Variants in HORMAD2 observed in about 807,000 individuals in gnomAD.
The protein encoded by HORMAD2 is HORMA domain-containing protein 2.
In HORMAD2, 45 loss-of-function variants were observed where a neutral mutation model predicts 38.8. That is an observed-to-expected ratio of 1.16 (90% CI 0.91 to 1.49). HORMAD2 has a LOEUF of 1.49. Ranked by LOEUF, HORMAD2 falls within the 40% of genes most tolerant of loss-of-function variation. HORMAD2 has a pLI of 0.00. For missense variants in HORMAD2, 338 were observed against 367.0 expected (o/e 0.92, Z 0.65); for synonymous variants, 126 against 122.8 (o/e 1.03, Z -0.17).
chr22:30,108,619 T>C (rs1921386779), intron 5 of HORMAD2, among the ~76,000 whole-genome samples: 1 of 152,154 alleles, frequency 6.6e-6, no homozygotes. Flanking sequence ...CTTTATTTCA[T>C]GTTCTCATAG....
chr22:30,196,962 T>G, the HORMAD2 span, among the ~76,000 whole-genome samples: 1 of 152,198 alleles, frequency 6.6e-6, no homozygotes, highest in African/African-American at 2.4e-5. Context: ...CTCCCCGCCT[T>G]ACCTCCTTGG....
chr22:30,101,583 A>G (rs1920945576), intron 3 of HORMAD2, among the ~76,000 whole-genome samples: 1 of 152,010 alleles, frequency 6.6e-6, no homozygotes, highest in Admixed American at 6.6e-5. Context: ...CAGAACTTAA[A>G]GTATTAAAAA....
chr22:30,086,851 A>G (rs2068578837), intron 1 of HORMAD2, among the ~76,000 whole-genome samples: 1 of 152,162 alleles, frequency 6.6e-6, no homozygotes. Context: ...CTGGAATGCA[A>G]TGGCGTGATC....
intron 10 of HORMAD2, among the ~76,000 whole-genome samples, chr22:30,127,189 A>G (rs1256801987): frequency 2.0e-5 from 3 of 146,960 alleles, no homozygotes; most frequent in African/African-American, 7.5e-5. Flanking sequence ...GTGTTTTATA[A>G]ACAGAAGTTC....
chr22:30,092,827 A>G (rs1027653252), intron 1 of HORMAD2, among the ~76,000 whole-genome samples: 1 of 152,018 alleles, frequency 6.6e-6, no homozygotes, highest in Non-Finnish European at 1.5e-5. Context: ...TGGGTTCTCT[A>G]TTCTGTTCCA....
downstream of HORMAD2, among the ~76,000 whole-genome samples, chr22:30,179,458 AAGG>A (rs1926611904): frequency 6.6e-6 from 1 of 152,208 alleles, no homozygotes; most frequent in Admixed American, 6.5e-5. Context: ...TTTGATAGAG[AAGG>A]AGGACACCCT....
the HORMAD2 span, among the ~76,000 whole-genome samples, chr22:30,195,921 T>G: frequency 2.0e-5 from 3 of 152,206 alleles, no homozygotes; most frequent in East Asian, 5.8e-4. Flanking sequence ...TGTTTGAGCC[T>G]TGTACTTACA....
At chr22:30,135,362 T>A (rs1253337964) in intron 10 of HORMAD2, among the ~76,000 whole-genome samples, 1 of 151,868 alleles carries the variant, frequency 6.6e-6, no homozygotes. Context: ...CCTAGCTTCC[T>A]GCTAGGAGGC....
At chr22:30,195,304 T>C in the HORMAD2 span, among the ~76,000 whole-genome samples, 1 of 152,348 alleles carries the variant, frequency 6.6e-6, no homozygotes, top group East Asian at 1.9e-4. Context: ...TAACAATTTA[T>C]CTTCCAAGAT....
chr22:30,131,966 C>T (rs1345722465), intron 10 of HORMAD2, among the ~76,000 whole-genome samples: 2 of 152,164 alleles, frequency 1.3e-5, no homozygotes, highest in African/African-American at 2.4e-5. Flanking sequence ...ATTGTTTCCA[C>T]GGTAAATAGC....
intron 10 of HORMAD2, among the ~76,000 whole-genome samples, chr22:30,144,854 G>A (rs1924314876): frequency 6.6e-6 from 1 of 152,032 alleles, no homozygotes. Context: ...ACTCAACATA[G>A]AATTTAGCAA....
intron 10 of HORMAD2, among the ~76,000 whole-genome samples, chr22:30,129,234 AAAAAAAAAAAAAAAAAAAAAAAGAG>A (rs1569102304): frequency 2.5e-5 from 2 of 78,796 alleles, no homozygotes; most frequent in Non-Finnish European, 5.2e-5. Flanking sequence ...AAAAAAAAAA[AAAAAAAAAAAAAAAAAAAAAAAGAG>A]AGAGAGAGAA....
chr22:30,162,250 T>A (rs1051932873), intron 10 of HORMAD2, among the ~76,000 whole-genome samples: 1 of 151,840 alleles, frequency 6.6e-6, no homozygotes, highest in African/African-American at 2.4e-5. Context: ...GAGGTCAAGG[T>A]TGCAGTAAGC....
At chr22:30,101,292 A>G (rs1474415705) in intron 3 of HORMAD2, among the ~76,000 whole-genome samples, 1 of 152,152 alleles carries the variant, frequency 6.6e-6, no homozygotes. Flanking sequence ...AGGAACATGG[A>G]TGATGCTGGA....
Position 30,121,949 on chromosome 22 carries a change from C to T in HORMAD2, c.569-15C>T, listed in dbSNP as rs1372195328. The T allele has an allele frequency of 3.7e-6, 6 of 1,601,024 alleles. No individual in the cohort carries two copies. The highest frequency in any genetic ancestry group is 3.5e-5 in the Admixed American group (2 of 57,674). ...AACTCAGTTTTCATGGCTTTTTGCC[C>T]TTTTCATTTCGCAGTGACCCCACAT... On this transcript the variant is annotated splice_polypyrimidine_tract_variant and intron_variant, in intron 9 of 10. Transcript: ENST00000336726.
chr22:30,146,516 A>T (rs1016193494), intron 10 of HORMAD2, among the ~76,000 whole-genome samples: 8 of 152,064 alleles, frequency 5.3e-5, no homozygotes, highest in African/African-American at 1.9e-4. Flanking sequence ...GAAAAGAAAA[A>T]ATGAAAACTT....
At chr22:30,084,900 A>G (rs1037806593) in intron 1 of HORMAD2, among the ~76,000 whole-genome samples, 1 of 151,882 alleles carries the variant, frequency 6.6e-6, no homozygotes, top group African/African-American at 2.4e-5. Context: ...AATCCCAGCA[A>G]TTTGGGAGGC....
chr22:30,122,399 G>T (rs895903445), intron 10 of HORMAD2, among the ~76,000 whole-genome samples, 185 bp downstream of exon 10: 1 of 152,052 alleles, frequency 6.6e-6, no homozygotes, highest in African/African-American at 2.4e-5. Context: ...TACTTTATCA[G>T]ATGAAATTGT....
At chr22:30,145,914 A>G (rs1419784682) in intron 10 of HORMAD2, among the ~76,000 whole-genome samples, 3 of 152,234 alleles carry the variant, frequency 2.0e-5, no homozygotes, top group African/African-American at 7.2e-5. Flanking sequence ...CTAAAACTGA[A>G]GACACTCCAA....
Sources: allele counts gnomAD v4.1 joint callset (sites outside exome capture counted in the v4.1 genomes callset), GRCh38; gene constraint gnomAD v4.1.1; transcripts MANE v1.5; gene names NCBI Gene and HGNC (gene_info 2026-07-23, HGNC 2026-07-21).